Variants in DLGAP2 observed in about 807,000 individuals in gnomAD.
DLGAP2 encodes the protein DLG associated protein 2.
DLGAP2 carries 26 observed loss-of-function variants against 100.3 expected under a neutral mutation model. The ratio of observed to expected loss-of-function variants is 0.26; its 90% CI spans 0.19 to 0.36. DLGAP2 has a LOEUF of 0.36. DLGAP2 is among the 10% of genes least tolerant of loss of function. The probability of loss-of-function intolerance (pLI) is 1.00; values close to 1 mark genes in which losing one functional copy is unlikely to be tolerated. For missense variants in DLGAP2, 1,858 were observed against 1,453.2 expected (o/e 1.28, Z -4.53); for synonymous variants, 886 against 630.1 (o/e 1.41, Z -6.08).
chr8:1,357,905 T>C (rs4454302), intron 3 of DLGAP2, among the ~76,000 whole-genome samples: 103,851 of 152,050 alleles, frequency 0.68, 36,608 homozygotes, highest in East Asian at 0.94. Flanking sequence ...CTGACATGGA[T>C]GTTGGCTCCC....
At chr8:1,601,916 C>T (rs560629843) in intron 6 of DLGAP2, among the ~76,000 whole-genome samples, 2 of 151,164 alleles carry the variant, frequency 1.3e-5, no homozygotes, top group African/African-American at 4.9e-5. Flanking sequence ...TATGTAGTCA[C>T]TTTTGATCCT....
intron 3 of DLGAP2, among the ~76,000 whole-genome samples, chr8:1,313,157 C>T (rs1427032201): frequency 6.6e-6 from 1 of 152,150 alleles, no homozygotes; most frequent in Non-Finnish European, 1.5e-5. Context: ...TTTATATAGA[C>T]ATAGAACATC....
intron 1 of DLGAP2, among the ~76,000 whole-genome samples, chr8:760,114 G>A (rs1563416313): frequency 1.3e-5 from 2 of 152,224 alleles, no homozygotes; most frequent in East Asian, 1.9e-4. Context: ...GCACACTGAC[G>A]GTTTTCTTTC....
In DLGAP2 at chr8:1,186,147, G is replaced by A. The variant is rs529656204; in HGVS notation, c.74-72704G>A. On this transcript the variant is annotated intron_variant, in intron 2 of 14. Transcript: ENST00000637795. ...CTTCTCGCTTTGCGCCCTTGTCTGCGGGCAGAAGGTTTTGTGAACATTGGT... is the reference window on the plus strand; with the variant it reads ...CTTCTCGCTTTGCGCCCTTGTCTGCAGGCAGAAGGTTTTGTGAACATTGGT... Among the ~76,000 whole-genome samples, 9 of 152,340 alleles carry A rather than the reference G, an allele frequency of 5.9e-5. No homozygotes were observed. The South Asian group carries it at 1.0e-3, about 18-fold the overall frequency.
At chr8:1,698,307 C>G (rs1431963678) in intron 14 of DLGAP2, among the ~76,000 whole-genome samples, 1 of 151,896 alleles carries the variant, frequency 6.6e-6, no homozygotes, top group Non-Finnish European at 1.5e-5. Flanking sequence ...CCACTTAAAC[C>G]ATGTGTGGGA....
chr8:1,444,928 T>C lies in DLGAP2; in HGVS notation c.107-56438T>C, dbSNP rs377238779. On this transcript the variant is annotated intron_variant, in intron 3 of 14. Transcript: ENST00000637795. ...GCTGGGATTATAGGCGTGTGCCCCA[T>C]GCCCAGCTAATTTTTGTATTTTTAG... Among the ~76,000 whole-genome samples, 3 of 151,628 alleles carry C rather than the reference T, an allele frequency of 2.0e-5. 1 individual carries two copies. The highest frequency in any genetic ancestry group is 1.3e-4 in the Admixed American group (2 of 15,206).
At chr8:1,456,036 A>G (rs1310361752) in intron 3 of DLGAP2, among the ~76,000 whole-genome samples, 1 of 152,150 alleles carries the variant, frequency 6.6e-6, no homozygotes, top group Non-Finnish European at 1.5e-5. Flanking sequence ...CCGCTCGCTG[A>G]TTGGATTCTG....
At chr8:950,904 G>A (rs1194651270) in intron 2 of DLGAP2, among the ~76,000 whole-genome samples, 1 of 151,978 alleles carries the variant, frequency 6.6e-6, no homozygotes, top group Non-Finnish European at 1.5e-5. Flanking sequence ...GATTACAGAC[G>A]TGAGCCACCG....
chr8:1,470,376 A>C (rs1305817974), intron 3 of DLGAP2, among the ~76,000 whole-genome samples: 1 of 152,088 alleles, frequency 6.6e-6, no homozygotes, highest in African/African-American at 2.4e-5. Context: ...ACCTGAGTCC[A>C]CCACAGTGGG....
Position 1,129,369 on chromosome 8 carries a change from C to G in DLGAP2, c.74-129482C>G, listed in dbSNP as rs1479650891. On this transcript the variant is annotated intron_variant, in intron 2 of 14. Coordinates refer to ENST00000637795, the MANE Select transcript of DLGAP2 (RefSeq NM_001346810.2). ...AGCCAGCTGAGATTGCGCCACTGCA[C>G]TCCAGCCGGGAGACAGAGTGAGACT... Among the ~76,000 whole-genome samples the G allele has an allele frequency of 8.7e-5, 13 of 149,272 alleles. No homozygotes were observed. The Admixed American group carries it at 8.7e-4, about 10-fold the overall frequency.
At chr8:1,161,614 G>A (rs1296587186) in intron 2 of DLGAP2, among the ~76,000 whole-genome samples, 3 of 152,226 alleles carry the variant, frequency 2.0e-5, no homozygotes, top group South Asian at 2.1e-4. Context: ...ATGAGACTCG[G>A]CCCTGGAGTC....
At chr8:1,453,765 A>T (rs1193700574) in intron 3 of DLGAP2, among the ~76,000 whole-genome samples, 1 of 152,238 alleles carries the variant, frequency 6.6e-6, no homozygotes, top group African/African-American at 2.4e-5. Context: ...TGGAATAGTA[A>T]CCAGCAGGAG....
chr8:1,557,758 G>T (rs1289119527), intron 5 of DLGAP2, among the ~76,000 whole-genome samples: 1 of 152,192 alleles, frequency 6.6e-6, no homozygotes, highest in Non-Finnish European at 1.5e-5. Context: ...TCCTCATAGG[G>T]TTGCCCCCTC....
chr8:900,952 A>G lies in DLGAP2; in HGVS notation c.19-6960A>G, dbSNP rs148526979. Among the ~76,000 whole-genome samples the G allele has an allele frequency of 2.0e-5, 3 of 152,298 alleles. No homozygotes were observed. In the East Asian group the frequency reaches 5.8e-4, roughly 29 times the overall value. ...ATTTTGAACTTCCAAAAGTGGAAGG[A>G]TATGAGTTTTTATTGTCAAAACTAT... On this transcript the variant is annotated intron_variant, in intron 1 of 14. Coordinates refer to ENST00000637795, the MANE Select transcript of DLGAP2 (RefSeq NM_001346810.2).
At chr8:769,876 C>T (rs1373643877) in intron 1 of DLGAP2, among the ~76,000 whole-genome samples, 3 of 152,118 alleles carry the variant, frequency 2.0e-5, no homozygotes, top group African/African-American at 4.8e-5. Flanking sequence ...AAGATGGAGT[C>T]AGAAGCCATG....
intron 8 of DLGAP2, among the ~76,000 whole-genome samples, chr8:1,633,417 G>T (rs568002642): frequency 6.6e-6 from 1 of 152,222 alleles, no homozygotes; most frequent in East Asian, 1.9e-4. Flanking sequence ...TGACTCTCAG[G>T]CTGCCCTGTA....
At chr8:1,066,276 C>T (rs990361264) in intron 2 of DLGAP2, among the ~76,000 whole-genome samples, 2 of 149,150 alleles carry the variant, frequency 1.3e-5, no homozygotes, top group African/African-American at 5.0e-5. Context: ...GAGGACAGCT[C>T]CCCACCACGG....
intron 1 of DLGAP2, among the ~76,000 whole-genome samples, chr8:793,091 C>G (rs1795951832): frequency 6.6e-6 from 1 of 152,324 alleles, no homozygotes; most frequent in African/African-American, 2.4e-5. Flanking sequence ...CTCCTTTCTT[C>G]TTGCCGCTGG....
intron 2 of DLGAP2, among the ~76,000 whole-genome samples, chr8:931,221 G>T (rs1051554630): frequency 6.6e-6 from 1 of 152,182 alleles, no homozygotes; most frequent in Non-Finnish European, 1.5e-5. Context: ...GGTGTCTGAG[G>T]GCTGAGGAGC....
Sources: gnomAD v4.1 joint callset for allele counts (sites outside exome capture counted in the v4.1 genomes callset) on GRCh38, gnomAD v4.1.1 for gene constraint, MANE v1.5 for transcripts, NCBI Gene and HGNC (gene_info 2026-07-23, HGNC 2026-07-21) for gene names.